The following FAM114A2 variants were observed in gnomAD, a reference collection of about 807,000 sequenced individuals.
FAM114A2 encodes the protein protein FAM114A2.
A neutral mutation model predicts 58.4 loss-of-function variants in FAM114A2; 53 were observed. That is an observed-to-expected ratio of 0.91 (90% CI 0.73 to 1.14). The LOEUF is 1.14. Ranked by LOEUF, FAM114A2 falls within the 50% of genes most tolerant of loss-of-function variation. FAM114A2 has a pLI of 0.00. For synonymous variants in FAM114A2, 228 were observed against 211.4 expected (o/e 1.08, Z -0.68); for missense variants, 601 against 581.1 (o/e 1.03, Z -0.35).
Position 154,032,598 on chromosome 5 carries a change from C to T in FAM114A2, c.403+1193G>A, listed in dbSNP as rs565612339. On this transcript the variant is annotated intron_variant, in intron 4 of 13. Transcript: ENST00000351797. ...CATGAGATCCTGTTCTAGGCAATGG[C>T]ATTGGAGAAGAAACATGCTTGGGAC... Among the ~76,000 whole-genome samples the T allele has an allele frequency of 3.9e-5, 6 of 152,268 alleles. No homozygotes were observed. In the East Asian group the frequency reaches 1.2e-3, roughly 29 times the overall value.
Position 154,027,269 on chromosome 5 carries a change from G to T in FAM114A2, c.696C>A (p.Asp232Glu). Residue 232 changes from aspartate to glutamate, a missense_variant, in exon 7 of 14, where the codon GAC becomes GAA. Coordinates refer to ENST00000351797, the MANE Select transcript of FAM114A2 (RefSeq NM_018691.4). ...AGAGTAGCCCATAATGAGTTTTCTT[G>T]TCTGTTTCCACGGTAACCTCATTGG... Reference protein sequence around the residue: ...RTSNEVTVETDKKTHYGLLFD... With the variant: ...RTSNEVTVETEKKTHYGLLFD... 6.2e-7 allele frequency: 1 copy of T among 1,613,380 alleles called. No individual in the cohort carries two copies. The highest frequency in any genetic ancestry group is 8.5e-7 in the Non-Finnish European group (1 of 1,179,514).
At chr5:154,007,987 T>C (rs1581783656) in intron 9 of FAM114A2, among the ~76,000 whole-genome samples, 1 of 151,986 alleles carries the variant, frequency 6.6e-6, no homozygotes, top group African/African-American at 2.4e-5. Context: ...TTTTAAGGAG[T>C]AGGTATGTAC....
intron 8 of FAM114A2, among the ~76,000 whole-genome samples, chr5:154,020,255 G>A (rs187230830): frequency 1.0e-3 from 156 of 151,942 alleles, no homozygotes; most frequent in African/African-American, 3.3e-3. Flanking sequence ...AAGCAAGAGC[G>A]AACAAATTCA....
At position 153,991,202 on chromosome 5, in the gene FAM114A2, T is replaced by C. The variant is rs980539439; in HGVS notation, c.*1774A>G. 1 of 152,172 alleles carries C rather than the reference T, an allele frequency of 6.6e-6. No homozygotes were observed. Among genetic ancestry groups the C allele is most frequent in the Admixed American group, 6.5e-5 (1 of 15,276 alleles). 9.4% of individuals were successfully genotyped at this position (152,172 alleles called of 1,614,324 possible). Reference sequence around the variant, plus strand: ...CAGGGCTGAAATCTGAATAGGTGTATAAAAAGAGTTGTTACTCTCTCCTTC... The same window carrying C: ...CAGGGCTGAAATCTGAATAGGTGTACAAAAAGAGTTGTTACTCTCTCCTTC... On this transcript the variant is annotated 3_prime_UTR_variant, in exon 14 of 14. Transcript: ENST00000351797.
chr5:154,000,891 TTAA>T (rs1769926317), intron 11 of FAM114A2, among the ~76,000 whole-genome samples: 1 of 152,256 alleles, frequency 6.6e-6, no homozygotes, highest in Non-Finnish European at 1.5e-5. Context: ...TTCTCAGTTC[TTAA>T]TAATAGTTAT....
At chr5:154,010,443 G>GT (rs1382891935) in intron 9 of FAM114A2, among the ~76,000 whole-genome samples, 1 of 152,206 alleles carries the variant, frequency 6.6e-6, no homozygotes, top group African/African-American at 2.4e-5. Flanking sequence ...ATAGGAGAGT[G>GT]GGATAACACA....
At chr5:153,996,759 G>T (rs552405024) in intron 12 of FAM114A2, among the ~76,000 whole-genome samples, 2 of 152,028 alleles carry the variant, frequency 1.3e-5, no homozygotes, top group East Asian at 3.9e-4. Flanking sequence ...CACTTTGGGA[G>T]GCCAACGCAG....
chr5:154,017,557 A>G (rs1451789200), intron 8 of FAM114A2, among the ~76,000 whole-genome samples: 2 of 152,218 alleles, frequency 1.3e-5, no homozygotes, highest in Non-Finnish European at 2.9e-5. Context: ...CAACAAAGAA[A>G]CAATGGATTT....
At chr5:154,023,469 C>T (rs1018048386) in intron 8 of FAM114A2, among the ~76,000 whole-genome samples, 4 of 152,064 alleles carry the variant, frequency 2.6e-5, no homozygotes, top group East Asian at 1.9e-4. Flanking sequence ...TTAATGCATT[C>T]GCAGCGACCT....
chr5:154,008,389 T>C (rs2113292195), intron 9 of FAM114A2, among the ~76,000 whole-genome samples: 1 of 152,252 alleles, frequency 6.6e-6, no homozygotes, highest in Middle Eastern at 3.4e-3. Context: ...TTTTTGTAGG[T>C]TACTTTTGTA....
At chr5:154,035,490 C>T (rs1204765156) in intron 1 of FAM114A2, among the ~76,000 whole-genome samples, 4 of 152,320 alleles carry the variant, frequency 2.6e-5, no homozygotes, top group Admixed American at 6.5e-5. Flanking sequence ...TCAGCATAAG[C>T]CCCTCAAGAT....
At chr5:153,995,148 C>A in intron 12 of FAM114A2, 176 bp from the exon 13 acceptor site, 1 of 559,602 alleles carries the variant, frequency 1.8e-6, no homozygotes, top group Non-Finnish European at 3.2e-6. Flanking sequence ...GTGTTTTAAA[C>A]TTCTTTCTTA....
intron 9 of FAM114A2, among the ~76,000 whole-genome samples, chr5:154,004,903 T>C (rs886946429): frequency 1.3e-5 from 2 of 152,182 alleles, no homozygotes; most frequent in South Asian, 2.1e-4. Context: ...TAGATCATGC[T>C]CTTTACATGA....
At chr5:154,028,439 C>T (rs796942771) in intron 5 of FAM114A2, among the ~76,000 whole-genome samples, 156 bp from the exon 6 acceptor site, 29 of 152,274 alleles carry the variant, frequency 1.9e-4, no homozygotes, top group African/African-American at 5.3e-4. Context: ...CTTGTGGGAA[C>T]GTAAATAGGT....
At chr5:154,010,958 C>T (rs1770654175) in intron 9 of FAM114A2, among the ~76,000 whole-genome samples, 1 of 152,168 alleles carries the variant, frequency 6.6e-6, no homozygotes, top group African/African-American at 2.4e-5. Flanking sequence ...TCACTGCCAA[C>T]TTTTAATGAC....
intron 8 of FAM114A2, among the ~76,000 whole-genome samples, chr5:154,014,416 T>C (rs147992468): frequency 1.2e-3 from 179 of 152,194 alleles, no homozygotes; most frequent in Middle Eastern, 6.8e-3. Context: ...AGAGAACCCA[T>C]ATACCCTCTG....
At chr5:154,035,093 A>G in intron 1 of FAM114A2, 126 bp from the exon 2 acceptor site, 1 of 607,182 alleles carries the variant, frequency 1.6e-6, no homozygotes, top group Non-Finnish European at 2.9e-6. Context: ...CAGAGATCCC[A>G]TATACCTTCA....
chr5:154,034,821 G>C lies in FAM114A2; in HGVS notation c.133C>G (p.Pro45Ala). The change falls in exon 2 of 14, where the codon CCT becomes GCT. Residue 45 changes from proline (P) to alanine (A), a missense_variant. Coordinates refer to ENST00000351797, the MANE Select transcript of FAM114A2 (RefSeq NM_018691.4). Reference sequence around the variant, plus strand: ...GGTCTTTTCCGAGTGGAAACTACAGGTTCTGATTTACTCTCTGGTTTGGCA... The same window carrying C: ...GGTCTTTTCCGAGTGGAAACTACAGCTTCTGATTTACTCTCTGGTTTGGCA... ...QGAKPESKSE[P>A]VVSTRKRPET... 1.9e-6 allele frequency: 3 copies of C among 1,613,990 alleles called. No homozygotes were observed. The highest frequency in any genetic ancestry group is 2.5e-6 in the Non-Finnish European group (3 of 1,179,916).
chr5:154,008,738 GA>G (rs2113295751), intron 9 of FAM114A2, among the ~76,000 whole-genome samples: 1 of 152,198 alleles, frequency 6.6e-6, no homozygotes, highest in Non-Finnish European at 1.5e-5. Flanking sequence ...ACAAAAATCT[GA>G]AATCTGAAAC....
Sources: gnomAD v4.1 joint callset for allele counts (sites outside exome capture counted in the v4.1 genomes callset) on GRCh38, gnomAD v4.1.1 for gene constraint, MANE v1.5 for transcripts, NCBI Gene and HGNC (gene_info 2026-07-23, HGNC 2026-07-21) for gene names.